Variants in LIPA observed in about 807,000 individuals in gnomAD.
LIPA encodes lipase A, lysosomal acid type, also known as lysosomal acid lipase/cholesteryl ester hydrolase.
Under a neutral mutation model 40.6 loss-of-function variants are expected in LIPA, and 26 were observed. The ratio of observed to expected loss-of-function variants is 0.64; its 90% CI spans 0.47 to 0.89. LIPA has a LOEUF of 0.89. Among genes scored for constraint, LIPA ranks in the 40% least tolerant of loss-of-function variants. The probability of loss-of-function intolerance (pLI) is 0.00; values close to 1 mark genes in which losing one functional copy is unlikely to be tolerated. For missense variants in LIPA, 455 were observed against 479.6 expected (o/e 0.95, Z 0.48); for synonymous variants, 188 against 168.4 (o/e 1.12, Z -0.90).
At chr10:89,283,162 T>C (rs1843324862) in intron 1 of LIPA, among the ~76,000 whole-genome samples, 1 of 152,248 alleles carries the variant, frequency 6.6e-6, no homozygotes, top group African/African-American at 2.4e-5. Flanking sequence ...AACCTACTCC[T>C]GTGCCACTCA....
rs368465434 is a variant in LIPA, at chr10:89,338,686, A to G, written c.-2+3925T>C. On this transcript the variant is annotated intron_variant, in intron 1 of 5. Transcript: ENST00000282673. ...TGAGGTCACCAAGAATTCCCTGGAG[A>G]AAATCCTTCCACAGCTGAAATGCCA... 6.8e-6 allele frequency: 11 copies of G among 1,613,062 alleles called. No homozygotes were observed. The African/African-American group carries it at 1.3e-4, about 20-fold the overall frequency.
intron 2 of LIPA, among the ~76,000 whole-genome samples, chr10:89,394,197 C>A (rs1004393935): frequency 7.0e-6 from 1 of 142,724 alleles, no homozygotes; most frequent in Non-Finnish European, 1.6e-5. Flanking sequence ...TAGGCAACTG[C>A]AATACAATGG....
chr10:89,383,925 C>T lies in LIPA; in HGVS notation c.61+28866G>A, dbSNP rs777499902. Reference sequence around the variant, plus strand: ...GGAGGAATAAGGCATTTTCTCTGCACGTCCTAAAACGAGCTGTCAGGCTAA... The same window carrying T: ...GGAGGAATAAGGCATTTTCTCTGCATGTCCTAAAACGAGCTGTCAGGCTAA... On this transcript the variant is annotated intron_variant, in intron 2 of 8. Coordinates refer to the LIPA transcript ENST00000371837. The T allele has an allele frequency of 2.5e-5, 41 of 1,614,034 alleles. 1 individual carries two copies. The highest frequency in any genetic ancestry group is 5.5e-5 in the South Asian group (5 of 91,084).
intron 2 of LIPA, chr10:89,393,138 CA>C (rs1350693450): frequency 7.7e-7 from 1 of 1,292,672 alleles, no homozygotes; most frequent in African/African-American, 1.5e-5. Context: ...GCAGGACCCA[CA>C]AGAATGTGAA....
At chr10:89,323,448 G>C (rs1015118630) in intron 1 of LIPA, among the ~76,000 whole-genome samples, 1 of 151,916 alleles carries the variant, frequency 6.6e-6, no homozygotes, top group Non-Finnish European at 1.5e-5. Context: ...AAGCAGGCAA[G>C]AGAATGAAAT....
intron 2 of LIPA, chr10:89,412,733 ACACT>A: frequency 2.3e-6 from 1 of 439,468 alleles, no homozygotes; most frequent in Non-Finnish European, 4.5e-6. Context: ...AAGATCTGTA[ACACT>A]CACTGTGAAG....
At chr10:89,359,020 C>T (rs12259887) in intron 2 of LIPA, among the ~76,000 whole-genome samples, 2,689 of 152,284 alleles carry the variant, frequency 0.018, 39 homozygotes, top group African/African-American at 0.044. Context: ...AATATCAGTT[C>T]TTTCAGTGAA....
At chr10:89,306,003 T>C in intron 1 of LIPA, 1 of 1,613,958 alleles carries the variant, frequency 6.2e-7, no homozygotes, top group Non-Finnish European at 8.5e-7. Context: ...CTACGGCAAC[T>C]AAAATGCCAT....
At chr10:89,227,424 C>T (rs549676436) in intron 4 of LIPA, among the ~76,000 whole-genome samples, 14 of 152,230 alleles carry the variant, frequency 9.2e-5, no homozygotes, top group African/African-American at 2.6e-4. Flanking sequence ...TTACAAATAG[C>T]GTGACAATAA....
intron 1 of LIPA, among the ~76,000 whole-genome samples, chr10:89,320,569 G>A (rs1369078856): frequency 6.6e-6 from 1 of 152,038 alleles, no homozygotes; most frequent in Non-Finnish European, 1.5e-5. Context: ...AAATAAAAGA[G>A]GACACAAACA....
Position 89,220,259 on chromosome 10 carries a change from A to C in LIPA, c.894+2252T>G, listed in dbSNP as rs181825117. Reference sequence around the variant, plus strand: ...GTGTGTGGGCTGCTGGCAGTCACTAAGCTGGTGGGAAAGCTCAGGATCTGC... The same window carrying C: ...GTGTGTGGGCTGCTGGCAGTCACTACGCTGGTGGGAAAGCTCAGGATCTGC... On this transcript the variant is annotated intron_variant, in intron 8 of 9. Transcript: ENST00000336233. 3.5e-3 allele frequency among the ~76,000 whole-genome samples: 538 copies of C among 152,258 alleles called. 7 individuals carry two copies. Among genetic ancestry groups the C allele is most frequent in the African/African-American group, 0.013 (521 of 41,556 alleles).
chr10:89,400,576 T>C (rs1205503889), intron 2 of LIPA, among the ~76,000 whole-genome samples: 2 of 152,212 alleles, frequency 1.3e-5, no homozygotes, highest in Non-Finnish European at 2.9e-5. Context: ...TTTTGGGATT[T>C]TTAAATTGTT....
At position 89,214,705 on chromosome 10, in the gene LIPA, T is replaced by C. The variant is rs1842597346; in HGVS notation, c.*123A>G. On this transcript the variant is annotated 3_prime_UTR_variant, in exon 10 of 10. Coordinates refer to ENST00000336233, the MANE Select transcript of LIPA (RefSeq NM_000235.4). ...AACTGGGCATCTTCAAAGTTATCAT[T>C]TTCTTGGATATAAAAAAACAAAAGA... 1 of 672,884 alleles carries C rather than the reference T, an allele frequency of 1.5e-6. No individual in the cohort carries two copies. The highest frequency in any genetic ancestry group is 2.6e-6 in the Non-Finnish European group (1 of 383,542). 41.7% of individuals were successfully genotyped at this position (672,884 alleles called of 1,614,324 possible).
At chr10:89,373,004 T>C (rs980870864) in intron 2 of LIPA, among the ~76,000 whole-genome samples, 6 of 152,148 alleles carry the variant, frequency 3.9e-5, no homozygotes, top group Admixed American at 6.5e-5. Flanking sequence ...ATATTTGACA[T>C]GTAAAACAAT....
chr10:89,242,295 T>C (rs1842973662), intron 3 of LIPA, among the ~76,000 whole-genome samples: 1 of 152,240 alleles, frequency 6.6e-6, no homozygotes, highest in East Asian at 1.9e-4. Context: ...CAAGGGCTAC[T>C]ACTGTGCAGA....
chr10:89,379,454 G>C (rs1369273177), intron 2 of LIPA, among the ~76,000 whole-genome samples: 2 of 152,066 alleles, frequency 1.3e-5, no homozygotes, highest in Non-Finnish European at 2.9e-5. Context: ...TGATATGTTT[G>C]TTCCACAAAA....
chr10:89,233,280 C>A (rs1018524917), intron 3 of LIPA, among the ~76,000 whole-genome samples: 1 of 152,146 alleles, frequency 6.6e-6, no homozygotes, highest in Non-Finnish European at 1.5e-5. Flanking sequence ...AGAATCTGGG[C>A]CAAGCACTGC....
At chr10:89,360,530 A>G (rs305374) in intron 2 of LIPA, among the ~76,000 whole-genome samples, 56,964 of 152,054 alleles carry the variant, frequency 0.37, 12,661 homozygotes, top group East Asian at 0.62. Flanking sequence ...TAGAAGTGGT[A>G]CATGTGAGGC....
intron 1 of LIPA, among the ~76,000 whole-genome samples, chr10:89,266,093 T>TA (rs986874130): frequency 3.3e-5 from 5 of 152,218 alleles, no homozygotes; most frequent in African/African-American, 1.2e-4. Context: ...GATTCTCACA[T>TA]AAAAAATACC....
Sources: allele counts gnomAD v4.1 joint callset (sites outside exome capture counted in the v4.1 genomes callset), GRCh38; gene constraint gnomAD v4.1.1; transcripts MANE v1.5; gene names NCBI Gene and HGNC (gene_info 2026-07-23, HGNC 2026-07-21).